Variants in GLG1 observed in about 807,000 individuals in gnomAD.
The protein encoded by GLG1 is Golgi apparatus protein 1.
A neutral mutation model predicts 160.5 loss-of-function variants in GLG1; 38 were observed. The ratio of observed to expected loss-of-function variants is 0.24; its 90% CI spans 0.18 to 0.31. The LOEUF (loss-of-function observed/expected upper bound fraction) is 0.31, where lower values mean the gene tolerates loss of function less well. GLG1 is among the 10% of genes least tolerant of loss of function. The pLI is 1.00. For synonymous variants in GLG1, 644 were observed against 543.4 expected (o/e 1.19, Z -2.57); for missense variants, 1,373 against 1,505.2 (o/e 0.91, Z 1.45).
At position 74,491,045 on chromosome 16, in the gene GLG1, C is replaced by T. The variant is rs753907702; in HGVS notation, c.1405G>A (p.Val469Ile). The T allele has an allele frequency of 1.2e-6, 2 of 1,614,102 alleles. No homozygotes were observed. Among genetic ancestry groups the T allele is most frequent in the Non-Finnish European group, 1.7e-6 (2 of 1,180,024 alleles). Residue 469 changes from valine (V) to isoleucine (I), a missense_variant, in exon 8 of 26, where the codon GTT (valine) becomes ATT (isoleucine). By Grantham distance (29) the Val-to-Ile change is conservative (BLOSUM62 3). This residue lies in a region of GLG1 where 386 missense variants were observed against 388.5 expected (regional missense o/e 0.99). Transcript: ENST00000422840. ...GRTLHCLMKV[V>I]RGEKGNLGMN... Reference sequence around the variant, plus strand: ...CCAAGGTTCCCCTTCTCCCCTCGAACTACTTTCATCAGACAGTGTAGGGTC... The same window carrying T: ...CCAAGGTTCCCCTTCTCCCCTCGAATTACTTTCATCAGACAGTGTAGGGTC...
At chr16:74,500,219 G>C (rs566229481) in intron 4 of GLG1, among the ~76,000 whole-genome samples, 1 of 152,160 alleles carries the variant, frequency 6.6e-6, no homozygotes, top group East Asian at 1.9e-4. Flanking sequence ...AAAGTGAGGT[G>C]AACTACACAC....
chr16:74,483,345 C>A (rs1567472448), intron 9 of GLG1, among the ~76,000 whole-genome samples: 1 of 152,212 alleles, frequency 6.6e-6, no homozygotes, highest in Non-Finnish European at 1.5e-5. Context: ...TGCACAAGGG[C>A]AGTGTGCAGC....
At chr16:74,463,197 T>G (rs949087745) in intron 20 of GLG1, 159 bp downstream of exon 20, 28 of 652,034 alleles carry the variant, frequency 4.3e-5, no homozygotes, top group Non-Finnish European at 5.7e-5. Context: ...TCCATTTTTC[T>G]GGATGCTCCT....
At position 74,527,311 on chromosome 16, in the gene GLG1, G is replaced by A. The variant is rs187657463; in HGVS notation, c.471+4810C>T. On this transcript the variant is annotated intron_variant, in intron 2 of 25. Transcript: ENST00000422840. ...TTTGCCCAGGATGGAGTGCAATGGCGCTATCTCGGCTCACTGCAACCTCTA... is the reference window on the plus strand; with the variant it reads ...TTTGCCCAGGATGGAGTGCAATGGCACTATCTCGGCTCACTGCAACCTCTA... Among the ~76,000 whole-genome samples, 268 of 144,864 alleles carry A rather than the reference G, an allele frequency of 1.9e-3. 1 individual carries two copies. The highest frequency in any genetic ancestry group is 2.5e-4 in the Non-Finnish European group (17 of 67,006).
chr16:74,487,353 A>C (rs192290663), intron 8 of GLG1, among the ~76,000 whole-genome samples: 2 of 152,056 alleles, frequency 1.3e-5, no homozygotes, highest in Admixed American at 1.3e-4. Flanking sequence ...CTATGATCCC[A>C]CAGGGCCTTC....
At chr16:74,588,281 T>TAA (rs1958096374) in intron 1 of GLG1, among the ~76,000 whole-genome samples, 1 of 151,916 alleles carries the variant, frequency 6.6e-6, no homozygotes, top group Non-Finnish European at 1.5e-5. Context: ...GGTAGGGGCA[T>TAA]AAAAATATAA....
At chr16:74,556,359 A>G (rs2018353604) in intron 1 of GLG1, among the ~76,000 whole-genome samples, 1 of 152,230 alleles carries the variant, frequency 6.6e-6, no homozygotes, top group African/African-American at 2.4e-5. Context: ...TAGAAAATTT[A>G]AAGTTCTTTG....
At chr16:74,492,783 C>A (rs1158006665) in intron 7 of GLG1, among the ~76,000 whole-genome samples, 174 bp downstream of exon 7, 8 of 151,162 alleles carry the variant, frequency 5.3e-5, no homozygotes, top group African/African-American at 1.9e-4. Flanking sequence ...TGCGCCACTG[C>A]CCTCCAGCCT....
At chr16:74,477,629 C>T (rs1020985124) in intron 11 of GLG1, 96 bp from the exon 12 acceptor site, 21 of 872,694 alleles carry the variant, frequency 2.4e-5, no homozygotes, top group African/African-American at 5.1e-5. Flanking sequence ...AACAAATAAC[C>T]CTGTATTTTA....
intron 1 of GLG1, among the ~76,000 whole-genome samples, chr16:74,542,888 G>C (rs13335764): frequency 0.16 from 24,198 of 152,072 alleles, 2,170 homozygotes; most frequent in Middle Eastern, 0.23. Context: ...GAATGATTCT[G>C]TCAATGCAGC....
In GLG1 at chr16:74,540,144, T is replaced by TATATAA. The variant is rs1567512545; in HGVS notation, c.439-7992_439-7991insTTATAT. Among the ~76,000 whole-genome samples the TATATAA allele has an allele frequency of 9.8e-3, 30 of 3,068 alleles. 11 individuals are homozygous for TATATAA. The highest frequency in any genetic ancestry group is 0.17 in the East Asian group (2 of 12). 2.0% of individuals were successfully genotyped at this position (3,068 alleles called of 152,430 possible). A position where few individuals can be genotyped will look rare whatever the true frequency, so the allele number is the denominator to read the frequency against. On this transcript the variant is annotated intron_variant, in intron 1 of 25. Transcript: ENST00000422840. ...ATATATATTTTATATATATAATATA[T>TATATAA]TATATATATATAGCAATTTAGTTAT...
chr16:74,601,178 G>C (rs540234464), intron 1 of GLG1, among the ~76,000 whole-genome samples: 1 of 151,966 alleles, frequency 6.6e-6, no homozygotes, highest in Non-Finnish European at 1.5e-5. Context: ...AATGAATATG[G>C]AATCAGGAAC....
intron 9 of GLG1, among the ~76,000 whole-genome samples, chr16:74,484,326 T>TTTTTG (rs2015715049): frequency 6.6e-6 from 1 of 152,062 alleles, no homozygotes; most frequent in Non-Finnish European, 1.5e-5. Flanking sequence ...GCAACTGTTT[T>TTTTTG]TTTTTGTTTT....
chr16:74,569,018 A>C (rs1300517162), intron 1 of GLG1, among the ~76,000 whole-genome samples: 1 of 152,254 alleles, frequency 6.6e-6, no homozygotes, highest in Middle Eastern at 3.2e-3. Context: ...GCACTTGCTA[A>C]ACCCATCAAA....
At chr16:74,470,177 C>CCCTG in intron 15 of GLG1, 104 bp from the exon 16 acceptor site, 1 of 744,536 alleles carries the variant, frequency 1.3e-6, no homozygotes, top group Non-Finnish European at 2.4e-6. Flanking sequence ...GTTTACAAGA[C>CCCTG]CCTGCATGGC....
chr16:74,584,473 A>G (rs951176468), intron 1 of GLG1, among the ~76,000 whole-genome samples: 3 of 152,076 alleles, frequency 2.0e-5, no homozygotes, highest in African/African-American at 7.2e-5. Context: ...TATTTATAAC[A>G]CTCTTACCAA....
intron 1 of GLG1, among the ~76,000 whole-genome samples, chr16:74,591,330 C>CA (rs546964949): frequency 0.022 from 2,926 of 133,720 alleles, 39 homozygotes; most frequent in Middle Eastern, 0.032. Context: ...GACTCCATCT[C>CA]AAAAAAAAAA....
intron 4 of GLG1, among the ~76,000 whole-genome samples, chr16:74,497,658 C>T (rs1481309476): frequency 6.6e-6 from 1 of 152,014 alleles, no homozygotes; most frequent in African/African-American, 2.4e-5. Context: ...AGGATGGTCT[C>T]GATCTCCTGA....
intron 10 of GLG1, among the ~76,000 whole-genome samples, chr16:74,481,393 T>C (rs1489530649): frequency 2.0e-5 from 3 of 152,178 alleles, no homozygotes; most frequent in Non-Finnish European, 4.4e-5. Flanking sequence ...GATGGCTAGT[T>C]AATGGGAGAA....
Sources: allele counts gnomAD v4.1 joint callset (sites outside exome capture counted in the v4.1 genomes callset), GRCh38; gene constraint gnomAD v4.1.1; regional missense constraint gnomAD v4.1.1; transcripts MANE v1.5; gene names NCBI Gene and HGNC (gene_info 2026-07-23, HGNC 2026-07-21).